Variants in ACBD7 observed in about 807,000 individuals in gnomAD.
The protein encoded by ACBD7 is acyl-CoA binding domain containing 7.
ACBD7 carries 11 observed loss-of-function variants against 13.7 expected under a neutral mutation model. The observed-to-expected ratio is 0.80, with a 90% CI of 0.50 to 1.33. The LOEUF is 1.33. Among genes scored for constraint, ACBD7 ranks in the 40% most tolerant of loss-of-function variants. The pLI is 0.00. For synonymous variants in ACBD7, 43 were observed against 37.7 expected, an observed-to-expected ratio of 1.14 and a Z score of -0.51; for missense variants, 111 against 103.0, an observed-to-expected ratio of 1.08 and a Z score of -0.33.
At chr10:15,078,638 G>T (rs543920043) in intron 3 of ACBD7, 35 bp from the exon 4 acceptor site, 1 of 1,613,854 alleles carries the variant, frequency 6.2e-7, no homozygotes, top group Non-Finnish European at 8.5e-7. Context: ...TCCCTGATTG[G>T]TGCACTGGGA....
At chr10:15,088,191 A>G (rs1018509560) in intron 1 of ACBD7, 7 of 154,466 alleles carry the variant, frequency 4.5e-5, no homozygotes, top group Admixed American at 3.3e-4. Flanking sequence ...CCTAGCATGT[A>G]GCAGTGATTA....
chr10:15,075,522 T>G lies in ACBD7; in HGVS notation c.*3008A>C, dbSNP rs1043307789. On this transcript the variant is annotated 3_prime_UTR_variant, in exon 4 of 4. Transcript: ENST00000356189. The stretch of plus-strand genomic sequence containing the variant: ...TAATGGTAACTGTTATGCAAAACTA[T>G]AGTATAATATCACAATCAGCATATT... 6.6e-6 allele frequency among the ~76,000 whole-genome samples: 1 copy of G among 152,186 alleles called. No homozygotes were observed. The highest frequency in any genetic ancestry group is 1.5e-5 in the Non-Finnish European group (1 of 68,034).
chr10:15,083,584 G>A (rs1564540711), intron 1 of ACBD7, among the ~76,000 whole-genome samples: 1 of 152,082 alleles, frequency 6.6e-6, no homozygotes, highest in African/African-American at 2.4e-5. Context: ...TGGTTCAAGC[G>A]ATCCTCCCAC....
chr10:15,088,178 T>C (rs1417441208), intron 1 of ACBD7: 1 of 153,422 alleles, frequency 6.5e-6, no homozygotes, highest in Admixed American at 6.5e-5. Context: ...TACTAGGAAT[T>C]ACCCTAGCAT....
At chr10:15,079,495 G>C (rs536047566) in intron 1 of ACBD7, among the ~76,000 whole-genome samples, 15 of 151,666 alleles carry the variant, frequency 9.9e-5, no homozygotes, top group Non-Finnish European at 1.6e-4. Context: ...GGCTTGTCTT[G>C]AACTCCTGAC....
chr10:15,084,965 A>G (rs7896927), intron 1 of ACBD7, among the ~76,000 whole-genome samples: 21,775 of 152,114 alleles, frequency 0.14, 1,739 homozygotes, highest in East Asian at 0.32. Context: ...AGTCAGTGTG[A>G]ATCGGCCTTA....
chr10:15,083,872 C>A (rs544137290), intron 1 of ACBD7, among the ~76,000 whole-genome samples: 3 of 152,248 alleles, frequency 2.0e-5, no homozygotes, highest in African/African-American at 4.8e-5. Flanking sequence ...AACCTACTTA[C>A]TGAACACCTC....
chr10:15,080,912 CAG>C (rs780512327), intron 1 of ACBD7, among the ~76,000 whole-genome samples: 20 of 152,158 alleles, frequency 1.3e-4, no homozygotes, highest in Non-Finnish European at 2.1e-4. Flanking sequence ...GGCTGTCAAA[CAG>C]GGGAAGTTCA....
intron 2 of ACBD7, 50 bp downstream of exon 2, chr10:15,078,870 TTAA>T: frequency 8.2e-7 from 1 of 1,213,784 alleles, no homozygotes; most frequent in Non-Finnish European, 1.1e-6. Context: ...ATAATCGCAA[TTAA>T]TATATTAATT....
In ACBD7 at chr10:15,080,972, C is replaced by G. The variant is rs565457817; in HGVS notation, c.13-1932G>C. 4.9e-3 allele frequency among the ~76,000 whole-genome samples: 749 copies of G among 152,194 alleles called. 4 individuals are homozygous for G. The highest frequency in any genetic ancestry group is 0.01 in the Middle Eastern group (3 of 294). ...TGCCCCCCATACTTCTTCTCTGATG[C>G]CAGAGCTCCCTTTGGATCCAAAGGC... On this transcript the variant is annotated intron_variant, in intron 1 of 3. Transcript: ENST00000356189.
rs1157531394 is a variant in ACBD7, at chr10:15,076,905, C to CACATATT, written c.*1618_*1624dup. 1 of 985,230 alleles carries CACATATT rather than the reference C, an allele frequency of 1.0e-6. No homozygotes were observed. The highest frequency in any genetic ancestry group is 1.2e-6 in the Non-Finnish European group (1 of 829,922). The allele number at this position is 985,230 out of a possible 1,614,324, so 61.0% of individuals were successfully genotyped here. ...GAACAAACAGCTGTTCAAATCTGTA[C>CACATATT]ACATATTACCAGGGCTAGACTTTCT... is the stretch of plus-strand genomic sequence containing the variant. On this transcript the variant is annotated 3_prime_UTR_variant, in exon 4 of 4. Transcript: ENST00000356189.
At chr10:15,086,777 G>A (rs1048672930) in intron 1 of ACBD7, among the ~76,000 whole-genome samples, 1 of 152,112 alleles carries the variant, frequency 6.6e-6, no homozygotes, top group Non-Finnish European at 1.5e-5. Context: ...ACTTTGGGAG[G>A]CTGAGGCGGG....
At chr10:15,087,784 C>G (rs965779763) in intron 1 of ACBD7, among the ~76,000 whole-genome samples, 1 of 147,238 alleles carries the variant, frequency 6.8e-6, no homozygotes, top group African/African-American at 2.5e-5. Context: ...TCTCAAACAG[C>G]CTGGGTGACA....
At chr10:15,079,826 CT>C (rs1213347808) in intron 1 of ACBD7, among the ~76,000 whole-genome samples, 1 of 151,844 alleles carries the variant, frequency 6.6e-6, no homozygotes, top group Admixed American at 6.6e-5. Context: ...ATCCACCCAC[CT>C]TGGCCTCCCG....
rs1844689868 is a variant in ACBD7 at position 15,077,008 on chromosome 10, T to G, written c.*1522A>C. ...GGTGGGAATGTAAATTAGTACAACCTCTATGAAAAACAGCACGGAAATTTC... is the reference window on the plus strand; with the variant it reads ...GGTGGGAATGTAAATTAGTACAACCGCTATGAAAAACAGCACGGAAATTTC... On this transcript the variant is annotated 3_prime_UTR_variant, in exon 4 of 4. Transcript: ENST00000356189. 1 of 878,350 alleles carries G rather than the reference T, an allele frequency of 1.1e-6. No homozygotes were observed. The highest frequency in any genetic ancestry group is 1.4e-6 in the Non-Finnish European group (1 of 732,632). 54.4% of individuals were successfully genotyped at this position (878,350 alleles called of 1,614,324 possible).
In ACBD7 at chr10:15,076,623, C is replaced by G. The variant is rs541025470; in HGVS notation, c.*1907G>C. Reference sequence around the variant, plus strand: ...GTAAAAGCAATTCTCCTGCCTCAGCCTCCCAAGTAGCTGGAATTACAGGTG... The same window carrying G: ...GTAAAAGCAATTCTCCTGCCTCAGCGTCCCAAGTAGCTGGAATTACAGGTG... On this transcript the variant is annotated 3_prime_UTR_variant, in exon 4 of 4. Transcript: ENST00000356189. The G allele has an allele frequency of 4.7e-4, 298 of 631,174 alleles. 1 individual carries two copies. In the African/African-American group the frequency reaches 5.5e-3, roughly 12 times the overall value. 39.1% of individuals were successfully genotyped at this position (631,174 alleles called of 1,614,324 possible). A position where few individuals can be genotyped will look rare whatever the true frequency, so the allele number is the denominator to read the frequency against.
chr10:15,081,789 C>T (rs993341038), intron 1 of ACBD7, among the ~76,000 whole-genome samples: 1 of 152,198 alleles, frequency 6.6e-6, no homozygotes, highest in African/African-American at 2.4e-5. Flanking sequence ...TCAGGGTCTT[C>T]AGCCTAAATA....
rs1472900376 is a variant in ACBD7, at chr10:15,076,440, GAA to G, written c.*2088_*2089del. ...AATGTCTTAAATGTAAAAATTTAAA[GAA>G]AAATAGATATTCCTATGGGGGCTTT... On this transcript the variant is annotated 3_prime_UTR_variant, in exon 4 of 4. Transcript: ENST00000356189. 1 of 968,822 alleles carries G rather than the reference GAA, an allele frequency of 1.0e-6. No individual in the cohort carries two copies. Among genetic ancestry groups the G allele is most frequent in the Non-Finnish European group, 1.2e-6 (1 of 815,454 alleles). 60.0% of individuals were successfully genotyped at this position (968,822 alleles called of 1,614,324 possible). A position where few individuals can be genotyped will look rare whatever the true frequency, so the allele number is the denominator to read the frequency against.
At chr10:15,079,236 A>G (rs1050862176) in intron 1 of ACBD7, among the ~76,000 whole-genome samples, 196 bp from the exon 2 acceptor site, 4 of 149,364 alleles carry the variant, frequency 2.7e-5, no homozygotes, top group African/African-American at 4.9e-5. Context: ...ACTATAGAAA[A>G]TTCTTAATAC....
Sources: allele counts gnomAD v4.1 joint callset (sites outside exome capture counted in the v4.1 genomes callset), GRCh38; gene constraint gnomAD v4.1.1; transcripts MANE v1.5; gene names NCBI Gene and HGNC (gene_info 2026-07-23, HGNC 2026-07-21).